The following SMC2 variants were observed in gnomAD, a reference collection of about 807,000 sequenced individuals.
SMC2 encodes the protein structural maintenance of chromosomes 2.
SMC2 carries 41 observed loss-of-function variants against 142.6 expected under a neutral mutation model. That is an observed-to-expected ratio of 0.29 (90% CI 0.22 to 0.37). The LOEUF is 0.37. Ranked by LOEUF, SMC2 falls within the 10% of genes least tolerant of loss-of-function variation. SMC2 has a pLI of 1.00. For synonymous variants in SMC2, 463 were observed against 457.5 expected, an observed-to-expected ratio of 1.01 and a Z score of -0.15; for missense variants, 1,265 against 1,373.7, an observed-to-expected ratio of 0.92 and a Z score of 1.25.
At chr9:104,109,632 C>T (rs758982643) in intron 9 of SMC2, among the ~76,000 whole-genome samples, 1 of 152,162 alleles carries the variant, frequency 6.6e-6, no homozygotes, top group East Asian at 1.9e-4. Flanking sequence ...TGGTTTTGAA[C>T]TGCATGGATT....
chr9:104,127,503 TATACTAAATCAA>T, intron 20 of SMC2, 23 bp downstream of exon 20: 2 of 1,473,132 alleles, frequency 1.4e-6, no homozygotes, highest in Non-Finnish European at 1.8e-6. Flanking sequence ...GTGCATTTTT[TATACTAAATCAA>T]ATTTTTGTTA....
At chr9:104,133,603 G>A (rs1468592960) in intron 22 of SMC2, among the ~76,000 whole-genome samples, 5 of 152,040 alleles carry the variant, frequency 3.3e-5, no homozygotes, top group African/African-American at 4.8e-5. Context: ...TTTGACTGCC[G>A]AACTAAGAAT....
At chr9:104,109,044 C>G (rs779009277) in intron 9 of SMC2, among the ~76,000 whole-genome samples, 1 of 152,214 alleles carries the variant, frequency 6.6e-6, no homozygotes, top group Non-Finnish European at 1.5e-5. Flanking sequence ...CTAGCACATT[C>G]TACAGCTATT....
Position 104,124,993 on chromosome 9 carries a change from T to C in SMC2, c.2339T>C (p.Met780Thr). 1 of 1,603,924 alleles carries C rather than the reference T, an allele frequency of 6.2e-7. No homozygotes were observed. The highest frequency in any genetic ancestry group is 8.5e-7 in the Non-Finnish European group (1 of 1,177,544). ...EEKYEVLENK[M>T]KNAEAERERE... The stretch of plus-strand genomic sequence containing the variant: ...AAATATGAAGTATTGGAAAATAAAA[T>C]GAAAAATGCAGAAGCTGAAAGAGAG... The change falls in exon 18 of 25, where the codon ATG (methionine) becomes ACG (threonine). Residue 780 changes from methionine to threonine, a missense_variant. Met to Thr is a moderately conservative substitution (Grantham distance 81, BLOSUM62 -1). Transcript: ENST00000374793.
At position 104,134,633 on chromosome 9, in the gene SMC2, C is replaced by T. The variant is rs1835343998; in HGVS notation, c.3269+58C>T. On this transcript the variant is annotated intron_variant, in intron 23 of 24. Coordinates refer to ENST00000374793, the MANE Select transcript of SMC2 (RefSeq NM_006444.3). The stretch of plus-strand genomic sequence containing the variant: ...ATTCCTCTTTATTATAATTCATCTC[C>T]TTACCTTAAAACTGTATTTGTGTTT... 2.5e-6 allele frequency: 3 copies of T among 1,205,776 alleles called. No homozygotes were observed. In the African/African-American group the frequency reaches 4.9e-5, roughly 20 times the overall value. The allele number at this position is 1,205,776 out of a possible 1,614,324, so 74.7% of individuals were successfully genotyped here. A position where few individuals can be genotyped will look rare whatever the true frequency, so the allele number is the denominator to read the frequency against.
intron 9 of SMC2, among the ~76,000 whole-genome samples, chr9:104,108,830 C>T (rs1832104136): frequency 6.6e-6 from 1 of 152,118 alleles, no homozygotes; most frequent in Non-Finnish European, 1.5e-5. Flanking sequence ...TGTGTATGTT[C>T]CCCATACAGT....
Position 104,102,538 on chromosome 9 carries a change from A to T in SMC2, c.985A>T (p.Ser329Cys), listed in dbSNP as rs1479255559. The change falls in exon 9 of 25, where the codon AGC (serine) becomes TGC (cysteine). Residue 329 changes from serine (S) to cysteine (C), a missense_variant. Physicochemically the swap from Ser to Cys is moderately radical, Grantham distance 112. Transcript: ENST00000374793. ...LKKKNLACEE[S>C]KRKELEKNMV... The stretch of plus-strand genomic sequence containing the variant: ...GAAGAAAAATCTGGCATGTGAGGAA[A>T]GCAAACGCAAAGAGCTGGAAAAAAA... The T allele has an allele frequency of 6.2e-7, 1 of 1,613,638 alleles. No homozygotes were observed.
intron 8 of SMC2, 61 bp from the exon 9 acceptor site, chr9:104,102,363 A>G (rs566044704): frequency 8.2e-6 from 12 of 1,471,158 alleles, no homozygotes; most frequent in African/African-American, 5.6e-5. Context: ...AACTCATACA[A>G]TAAAATGACA....
intron 1 of SMC2, among the ~76,000 whole-genome samples, chr9:104,095,097 C>A (rs763364473): frequency 6.6e-5 from 10 of 152,152 alleles, no homozygotes; most frequent in African/African-American, 2.4e-4. Flanking sequence ...CCTGGAAAAA[C>A]GGGTAGAAGA....
At chr9:104,114,953 A>G in intron 13 of SMC2, 124 bp downstream of exon 13, 1 of 680,886 alleles carries the variant, frequency 1.5e-6, no homozygotes, top group African/African-American at 1.8e-5. Context: ...TTATAGGGTA[A>G]AACTATTTGG....
intron 9 of SMC2, among the ~76,000 whole-genome samples, chr9:104,106,581 TG>T (rs1340101896): frequency 6.6e-6 from 1 of 151,972 alleles, no homozygotes; most frequent in Admixed American, 6.6e-5. Context: ...TTAGTAGAGA[TG>T]GGGTTCCTCC....
intron 15 of SMC2, 33 bp from the exon 16 acceptor site, chr9:104,119,975 AGTACATACCTGGTAACAAT>A: frequency 6.4e-7 from 1 of 1,558,370 alleles, no homozygotes. Context: ...TTTATTGTGT[AGTACATACCTGGTAACAAT>A]GTGGAAGACC....
chr9:104,115,018 C>T (rs1832924016), intron 13 of SMC2, among the ~76,000 whole-genome samples, 189 bp downstream of exon 13: 1 of 152,090 alleles, frequency 6.6e-6, no homozygotes, highest in South Asian at 2.1e-4. Flanking sequence ...CTCAGAAACT[C>T]AGAATGCATA....
intron 9 of SMC2, among the ~76,000 whole-genome samples, chr9:104,103,262 G>A (rs1195784992): frequency 6.6e-6 from 1 of 152,022 alleles, no homozygotes; most frequent in Non-Finnish European, 1.5e-5. Context: ...ATGTTTCAAG[G>A]AGAAGTGGCC....
At chr9:104,114,648 C>T (rs183441541) in intron 12 of SMC2, 43 bp from the exon 13 acceptor site, 2 of 1,540,480 alleles carry the variant, frequency 1.3e-6, no homozygotes, top group Admixed American at 1.8e-5. Flanking sequence ...ACTTTTTCTA[C>T]TTTATTATCT....
chr9:104,091,110 C>A (rs1829976393), upstream of SMC2, among the ~76,000 whole-genome samples: 1 of 152,130 alleles, frequency 6.6e-6, no homozygotes, highest in Non-Finnish European at 1.5e-5. Context: ...TCGGTGAACC[C>A]ACAGTTCAAA....
At position 104,095,377 on chromosome 9, in the gene SMC2, T is replaced by A. The variant is rs1217476884; in HGVS notation, c.-8T>A. ...TCAGAGGTTTGCTGACCCAAGACAG[T>A]ATCGAAAATGCATATTAAGTCAATT... is the stretch of plus-strand genomic sequence containing the variant. On this transcript the variant is annotated 5_prime_UTR_variant, in exon 2 of 25. Coordinates refer to ENST00000374793, the MANE Select transcript of SMC2 (RefSeq NM_006444.3). 5.6e-6 allele frequency: 9 copies of A among 1,611,272 alleles called. No homozygotes were observed. The highest frequency in any genetic ancestry group is 6.8e-6 in the Non-Finnish European group (8 of 1,179,184).
At chr9:104,093,528 A>T (rs1318408554), upstream of SMC2, among the ~76,000 whole-genome samples, 4 of 152,212 alleles carry the variant, frequency 2.6e-5, no homozygotes, top group African/African-American at 9.6e-5. Flanking sequence ...GCCCCTTGCA[A>T]TATAGCCTAA....
At chr9:104,097,119 G>GTT (rs71501412) in intron 3 of SMC2, among the ~76,000 whole-genome samples, 10,017 of 103,828 alleles carry the variant, frequency 0.096, 621 homozygotes, top group Non-Finnish European at 0.12. Context: ...GCTTGTCAAG[G>GTT]TTTTTTTTTT....
Sources: gnomAD v4.1 joint callset for allele counts (sites outside exome capture counted in the v4.1 genomes callset) on GRCh38, gnomAD v4.1.1 for gene constraint, MANE v1.5 for transcripts, NCBI Gene and HGNC (gene_info 2026-07-23, HGNC 2026-07-21) for gene names.